AUTS2: variants seen among roughly 807,000 people sequenced by gnomAD.
AUTS2 encodes the protein activator of transcription and developmental regulator AUTS2, also known as autism susceptibility gene 2 protein.
In AUTS2, 17 loss-of-function variants were observed where a neutral mutation model predicts 112.4. The ratio of observed to expected loss-of-function variants is 0.15; its 90% CI spans 0.10 to 0.23. The LOEUF (loss-of-function observed/expected upper bound fraction) is 0.23. Among genes scored for constraint, AUTS2 ranks in the 10% least tolerant of loss-of-function variants. The pLI is 1.00. For synonymous variants in AUTS2, 751 were observed against 702.7 expected, an observed-to-expected ratio of 1.07 and a Z score of -1.09; for missense variants, 1,510 against 1,701.6, an observed-to-expected ratio of 0.89 and a Z score of 1.98.
chr7:70,759,664 G>A (rs1789433236), intron 6 of AUTS2, among the ~76,000 whole-genome samples: 1 of 152,196 alleles, frequency 6.6e-6, no homozygotes, highest in African/African-American at 2.4e-5. Flanking sequence ...GGCAACAGAG[G>A]AGACAAGAAA....
At chr7:70,185,368 A>T (rs1234195710) in intron 4 of AUTS2, among the ~76,000 whole-genome samples, 11 of 150,054 alleles carry the variant, frequency 7.3e-5, no homozygotes, top group Admixed American at 6.7e-4. Flanking sequence ...TGGCCTCCCA[A>T]AGTGCTGGGA....
At chr7:70,492,981 C>T (rs2116451793) in intron 5 of AUTS2, among the ~76,000 whole-genome samples, 1 of 152,236 alleles carries the variant, frequency 6.6e-6, no homozygotes, top group Admixed American at 6.5e-5. Flanking sequence ...CCCCGTAAAC[C>T]CCCTTTCCCA....
Position 70,526,506 on chromosome 7 carries a change from T to C in AUTS2, c.690+90725T>C, listed in dbSNP as rs562379099. ...GGCCAACACGGTGAAACCCCATCTCTACTAAAAATACATAAATTAGCCAGG... is the reference window on the plus strand; with the variant it reads ...GGCCAACACGGTGAAACCCCATCTCCACTAAAAATACATAAATTAGCCAGG... On this transcript the variant is annotated intron_variant, in intron 5 of 18. Coordinates refer to ENST00000342771, the MANE Select transcript of AUTS2 (RefSeq NM_015570.4). Among the ~76,000 whole-genome samples the C allele has an allele frequency of 2.7e-4, 41 of 152,234 alleles. 1 individual carries two copies. The highest frequency in any genetic ancestry group is 9.6e-4 in the African/African-American group (40 of 41,532).
chr7:70,269,679 C>T (rs1382657824), intron 4 of AUTS2, among the ~76,000 whole-genome samples: 5 of 152,220 alleles, frequency 3.3e-5, no homozygotes, highest in Admixed American at 3.3e-4. Flanking sequence ...CTTTAAGTCA[C>T]ATAGTAAGCA....
At chr7:69,757,189 G>A (rs951856380) in intron 1 of AUTS2, among the ~76,000 whole-genome samples, 20 of 152,188 alleles carry the variant, frequency 1.3e-4, no homozygotes, top group Non-Finnish European at 2.2e-4. Context: ...TAAGTTCTAG[G>A]GATATTGTTA....
At chr7:70,096,514 G>A (rs534557793) in intron 2 of AUTS2, among the ~76,000 whole-genome samples, 25 of 150,166 alleles carry the variant, frequency 1.7e-4, no homozygotes, top group African/African-American at 5.9e-4. Flanking sequence ...TAGGAGAATC[G>A]CTTGAACCTG....
chr7:70,615,565 CTTGTTGTT>C (rs1487101997), intron 5 of AUTS2, among the ~76,000 whole-genome samples: 3 of 148,480 alleles, frequency 2.0e-5, no homozygotes, highest in African/African-American at 7.5e-5. Flanking sequence ...AGATTTATGG[CTTGTTGTT>C]GTTGTTGTTG....
chr7:69,841,108 A>G (rs1178355662), intron 1 of AUTS2, among the ~76,000 whole-genome samples: 2 of 152,222 alleles, frequency 1.3e-5, no homozygotes, highest in East Asian at 3.8e-4. Context: ...GTGACGAACT[A>G]CACAGCATCA....
At chr7:70,156,397 C>G (rs958413134) in intron 4 of AUTS2, among the ~76,000 whole-genome samples, 3 of 152,158 alleles carry the variant, frequency 2.0e-5, no homozygotes, top group African/African-American at 7.2e-5. Context: ...GAGCTTTTCT[C>G]TGGGCTCAAA....
intron 1 of AUTS2, among the ~76,000 whole-genome samples, chr7:69,683,076 G>A (rs1796877011): frequency 6.6e-6 from 1 of 152,252 alleles, no homozygotes; most frequent in African/African-American, 2.4e-5. Context: ...AACCCCCATT[G>A]CTGGGGGGAA....
chr7:70,125,795 T>C (rs1419361220), intron 3 of AUTS2, among the ~76,000 whole-genome samples: 2 of 152,358 alleles, frequency 1.3e-5, no homozygotes, highest in East Asian at 3.9e-4. Context: ...ATTATTGTCC[T>C]TTACTCTGTC....
intron 5 of AUTS2, among the ~76,000 whole-genome samples, chr7:70,643,496 A>G (rs1805968752): frequency 6.6e-6 from 1 of 152,140 alleles, no homozygotes; most frequent in South Asian, 2.1e-4. Flanking sequence ...GCTTGAACCT[A>G]GGAGGCTGAG....
chr7:69,969,944 GAAAGAAA>G (rs958403102), intron 2 of AUTS2, among the ~76,000 whole-genome samples: 1 of 152,106 alleles, frequency 6.6e-6, no homozygotes, highest in African/African-American at 2.4e-5. Context: ...TCAGTAGTGA[GAAAGAAA>G]AATTAAGAAT....
At chr7:70,531,414 G>C (rs1313726497) in intron 5 of AUTS2, among the ~76,000 whole-genome samples, 3 of 152,166 alleles carry the variant, frequency 2.0e-5, no homozygotes, top group Non-Finnish European at 4.4e-5. Context: ...CCTGAGGCTG[G>C]GTAATTTTTA....
At chr7:70,298,560 C>A (rs1172086580) in intron 4 of AUTS2, among the ~76,000 whole-genome samples, 2 of 152,266 alleles carry the variant, frequency 1.3e-5, no homozygotes, top group East Asian at 3.9e-4. Flanking sequence ...TGCAGTGTCC[C>A]AAGAGATAAA....
chr7:69,887,242 C>T (rs1038715109), intron 1 of AUTS2, among the ~76,000 whole-genome samples: 2 of 151,776 alleles, frequency 1.3e-5, no homozygotes, highest in Non-Finnish European at 2.9e-5. Context: ...GGTGAAACCC[C>T]GTCTCTACTA....
intron 5 of AUTS2, among the ~76,000 whole-genome samples, chr7:70,671,564 G>A (rs1322611060): frequency 6.6e-6 from 1 of 152,188 alleles, no homozygotes; most frequent in Non-Finnish European, 1.5e-5. Flanking sequence ...CTATTCCCCT[G>A]CATTTCAGAA....
At chr7:70,783,763 TAG>T (rs1208119631) in intron 15 of AUTS2, 2 of 152,186 alleles carry the variant, frequency 1.3e-5, no homozygotes, top group Admixed American at 1.3e-4. Flanking sequence ...GAATATAAAC[TAG>T]AGACTTCTTC....
rs1268501051 is a variant in AUTS2 at position 70,631,190 on chromosome 7, T to A, written c.691-67379T>A. On this transcript the variant is annotated intron_variant, in intron 5 of 18. Coordinates refer to ENST00000342771, the MANE Select transcript of AUTS2 (RefSeq NM_015570.4). This position sits in a 1 kb window ranked among gnomAD's most constrained non-coding sequence, Gnocchi z 4.5. ...CTCCCACAAAAGCACGATTAAAATG[T>A]CAGCACAGGATGACGAAGGGGCCAA... Among the ~76,000 whole-genome samples the A allele has an allele frequency of 6.6e-6, 1 of 152,176 alleles. No individual in the cohort carries two copies. Among genetic ancestry groups the A allele is most frequent in the African/African-American group, 2.4e-5 (1 of 41,442 alleles).
Sources: gnomAD v4.1 joint callset for allele counts (sites outside exome capture counted in the v4.1 genomes callset) on GRCh38, gnomAD v4.1.1 for gene constraint, Gnocchi (gnomAD v3.1) non-coding constraint, MANE v1.5 for transcripts, NCBI Gene and HGNC (gene_info 2026-07-23, HGNC 2026-07-21) for gene names.